The following COL20A1 variants were observed in gnomAD, a reference collection of about 807,000 sequenced individuals.
The protein encoded by COL20A1 is collagen type XX alpha 1 chain.
In COL20A1, 164 loss-of-function variants were observed where a neutral mutation model predicts 152.9. The ratio of observed to expected loss-of-function variants is 1.07; its 90% CI spans 0.94 to 1.22. The LOEUF (loss-of-function observed/expected upper bound fraction) is 1.22. Ranked by LOEUF, COL20A1 falls within the 50% of genes most tolerant of loss-of-function variation. The pLI is 0.00. For synonymous variants in COL20A1, 864 were observed against 756.0 expected (o/e 1.14, Z -2.34); for missense variants, 1,873 against 1,744.8 (o/e 1.07, Z -1.31).
chr20:63,308,748 C>T (rs1329208721), intron 8 of COL20A1, 42 bp downstream of exon 8: 16 of 1,519,306 alleles, frequency 1.1e-5, no homozygotes, highest in East Asian at 4.8e-5. Flanking sequence ...GTCTCACCGC[C>T]GGGTGGGTTT....
intron 30 of COL20A1, among the ~76,000 whole-genome samples, chr20:63,326,551 G>C (rs914907763): frequency 6.6e-6 from 1 of 152,158 alleles, no homozygotes; most frequent in African/African-American, 2.4e-5. Context: ...TGGAGGAGGG[G>C]TGCAGGGCAT....
Position 63,326,259 on chromosome 20 carries a change from A to G in COL20A1, c.3456+110A>G. ...CTGCCACCCCTAGGTTACCCCAGGAAGTGCCTGGGAGGGCCTCACTTCTGC... is the reference window on the plus strand; with the variant it reads ...CTGCCACCCCTAGGTTACCCCAGGAGGTGCCTGGGAGGGCCTCACTTCTGC... On this transcript the variant is annotated intron_variant, in intron 30 of 35. Coordinates refer to ENST00000358894, the MANE Select transcript of COL20A1 (RefSeq NM_020882.4). The G allele has an allele frequency of 4.7e-6, 4 of 850,192 alleles. No individual in the cohort carries two copies. In the East Asian group the frequency reaches 7.5e-5, roughly 16 times the overall value. The allele number at this position is 850,192 out of a possible 1,614,324, so 52.7% of individuals were successfully genotyped here.
intron 2 of COL20A1, among the ~76,000 whole-genome samples, chr20:63,297,311 G>A (rs532021347): frequency 4.1e-4 from 62 of 151,494 alleles, no homozygotes; most frequent in African/African-American, 1.5e-3. Flanking sequence ...TCAGCCCAGG[G>A]GCCCCAGCTC....
chr20:63,329,004 C>T (rs979841230), intron 34 of COL20A1: 20 of 168,924 alleles, frequency 1.2e-4, no homozygotes, highest in African/African-American at 4.3e-4. Flanking sequence ...GAGGCTGATT[C>T]GGGGAGCTGG....
Position 63,325,727 on chromosome 20 carries a change from G to A in COL20A1, c.3402+6G>A, listed in dbSNP as rs779760866. 1.3e-5 allele frequency: 21 copies of A among 1,611,328 alleles called. No individual in the cohort carries two copies. The highest frequency in any genetic ancestry group is 8.9e-5 in the East Asian group (4 of 44,876). ...TTGGCCTCCAGGGACCAAAGGTGCC[G>A]GCTCTGGGCTTGGAGGGTTCTGTCA... On this transcript the variant is annotated splice_donor_region_variant and intron_variant, in intron 29 of 35. Transcript: ENST00000358894.
rs747001400 is a variant in COL20A1, at chr20:63,325,737, T to A, written c.3402+16T>A. On this transcript the variant is annotated intron_variant, in intron 29 of 35. Transcript: ENST00000358894. The stretch of plus-strand genomic sequence containing the variant: ...GGGACCAAAGGTGCCGGCTCTGGGC[T>A]TGGAGGGTTCTGTCAGGGTGGTAGA... The A allele has an allele frequency of 8.7e-6, 14 of 1,610,458 alleles. No individual in the cohort carries two copies. In the East Asian group the frequency reaches 1.8e-4, roughly 21 times the overall value.
chr20:63,302,341 G>C (rs1437220157), intron 3 of COL20A1, among the ~76,000 whole-genome samples: 1 of 152,090 alleles, frequency 6.6e-6, no homozygotes, highest in Non-Finnish European at 1.5e-5. Context: ...TAATTATTGA[G>C]ATGGAATCTC....
intron 32 of COL20A1, 29 bp downstream of exon 32, chr20:63,328,016 T>C (rs944196246): frequency 3.7e-6 from 6 of 1,612,008 alleles, no homozygotes; most frequent in Non-Finnish European, 5.1e-6. Context: ...TTTGGCTCAC[T>C]TGGGATCTCC....
chr20:63,305,500 T>C lies in COL20A1; in HGVS notation c.277T>C (p.Leu93=), dbSNP rs773550252. The C allele has an allele frequency of 1.1e-5, 17 of 1,607,226 alleles. No individual in the cohort carries two copies. The highest frequency in any genetic ancestry group is 7.8e-5 in the South Asian group (7 of 89,872). ...CCTGAGCCCCTCCAAGGGCTACACC[T>C]TGCAGATCTTCGAGCTCACTGGCTC... ...GGLSPSKGYT[L]QIFELTGSGR... Residue 93 remains leucine (L), a synonymous_variant, in exon 4 of 36, where the codon TTG becomes CTG. Transcript: ENST00000358894. The surrounding 1 kb of genome is among the most constrained non-coding windows in gnomAD (Gnocchi z 4.9).
At chr20:63,320,913 T>C (rs2068153660) in intron 25 of COL20A1, 100 bp from the exon 26 acceptor site, 6 of 897,576 alleles carry the variant, frequency 6.7e-6, no homozygotes, top group Non-Finnish European at 1.0e-5. Context: ...GGTCTGGAAG[T>C]CTCCCTGGAG....
chr20:63,310,354 G>T (rs1326174946), intron 10 of COL20A1, 27 bp from the exon 11 acceptor site: 1 of 1,608,978 alleles, frequency 6.2e-7, no homozygotes. Flanking sequence ...CCCCTTCCTG[G>T]CTCCGTCCTT....
chr20:63,330,134 G>A (rs959522169), intron 35 of COL20A1, among the ~76,000 whole-genome samples: 2 of 152,122 alleles, frequency 1.3e-5, no homozygotes, highest in East Asian at 1.9e-4. Context: ...GGCCATAGTA[G>A]CACCAGGTAA....
intron 3 of COL20A1, among the ~76,000 whole-genome samples, chr20:63,301,957 GT>G (rs914049296): frequency 3.3e-5 from 5 of 152,206 alleles, no homozygotes; most frequent in African/African-American, 1.2e-4. Flanking sequence ...CTTGTTATAA[GT>G]TTTTATTCTC....
At chr20:63,314,649 A>G (rs2068060612) in intron 19 of COL20A1, among the ~76,000 whole-genome samples, 1 of 151,976 alleles carries the variant, frequency 6.6e-6, no homozygotes, top group Admixed American at 6.5e-5. Context: ...CAGCCTTCCC[A>G]TGGGAGGGGA....
intron 1 of COL20A1, among the ~76,000 whole-genome samples, chr20:63,294,213 G>A: frequency 7.8e-6 from 1 of 127,538 alleles, no homozygotes; most frequent in South Asian, 2.7e-4. Context: ...GCAGGGGACT[G>A]GGGGTGCAGG....
rs376830125 is a variant in COL20A1 at position 63,295,129 on chromosome 20, C to T, written c.22C>T (p.His8Tyr). The T allele has an allele frequency of 2.6e-6, 4 of 1,552,788 alleles. No individual in the cohort carries two copies. The highest frequency in any genetic ancestry group is 1.7e-4 in the Middle Eastern group (1 of 6,014). Residue 8 changes from histidine to tyrosine, a missense_variant, in exon 2 of 36, where the codon CAC (histidine) becomes TAC (tyrosine). By Grantham distance (83) the His-to-Tyr change is moderately conservative (BLOSUM62 2). Coordinates refer to ENST00000358894, the MANE Select transcript of COL20A1 (RefSeq NM_020882.4). ...CACCATGAGCTCCGGAGACCCTGCACACCTCGGCCTCTGCCTCTGGCTGTG... is the reference window on the plus strand; with the variant it reads ...CACCATGAGCTCCGGAGACCCTGCATACCTCGGCCTCTGCCTCTGGCTGTG... MSSGDPA[H>Y]LGLCLWLWLG...
rs2068127165 is a variant in COL20A1, at chr20:63,319,377, G to C, written c.2807-110G>C. 1 of 1,086,722 alleles carries C rather than the reference G, an allele frequency of 9.2e-7. No homozygotes were observed. The highest frequency in any genetic ancestry group is 2.6e-5 in the East Asian group (1 of 38,544). 67.3% of individuals were successfully genotyped at this position (1,086,722 alleles called of 1,614,324 possible). A position where few individuals can be genotyped will look rare whatever the true frequency, so the allele number is the denominator to read the frequency against. Reference sequence around the variant, plus strand: ...TGGGCCACATTGAGGGTCACCTCCAGCTTGGCACCCTCAGGGCTGCTCCTG... The same window carrying C: ...TGGGCCACATTGAGGGTCACCTCCACCTTGGCACCCTCAGGGCTGCTCCTG... On this transcript the variant is annotated intron_variant, in intron 22 of 35. Transcript: ENST00000358894. The surrounding 1 kb of genome is among the most constrained non-coding windows in gnomAD (Gnocchi z 4.4).
Position 63,319,219 on chromosome 20 carries a change from C to A in COL20A1, c.2806+19C>A, listed in dbSNP as rs201699656. 7.5e-6 allele frequency: 12 copies of A among 1,608,710 alleles called. No homozygotes were observed. Among genetic ancestry groups the A allele is most frequent in the Non-Finnish European group, 1.0e-5 (12 of 1,177,820 alleles). Reference sequence around the variant, plus strand: ...CTGGATGGTGACGTGGGCCCCGCGTCGCCCCCAGCAGTCAGGAGGAGTAGG... The same window carrying A: ...CTGGATGGTGACGTGGGCCCCGCGTAGCCCCCAGCAGTCAGGAGGAGTAGG... On this transcript the variant is annotated intron_variant, in intron 22 of 35. Coordinates refer to ENST00000358894, the MANE Select transcript of COL20A1 (RefSeq NM_020882.4). This position sits in a 1 kb window ranked among gnomAD's most constrained non-coding sequence, Gnocchi z 4.4.
chr20:63,312,437 C>T lies in COL20A1; in HGVS notation c.1821C>T (p.Asn607=), dbSNP rs755676892. Residue 607 remains asparagine (N), a synonymous_variant, in exon 15 of 36, where the codon AAC becomes AAT. Coordinates refer to ENST00000358894, the MANE Select transcript of COL20A1 (RefSeq NM_020882.4). ...GHSGQTEAPG[N]ATSATLGPLS... ...TGCTGCAGACAGAGGCTCCTGGGAA[C>T]GCCACCTCGGCCACGCTGGGGCCTC... 2.0e-5 allele frequency: 32 copies of T among 1,597,582 alleles called. No homozygotes were observed. The highest frequency in any genetic ancestry group is 7.8e-5 in the South Asian group (7 of 89,214).
Sources: gnomAD v4.1 joint callset for allele counts (sites outside exome capture counted in the v4.1 genomes callset) on GRCh38, gnomAD v4.1.1 for gene constraint, Gnocchi (gnomAD v3.1) non-coding constraint, MANE v1.5 for transcripts, NCBI Gene and HGNC (gene_info 2026-07-23, HGNC 2026-07-21) for gene names.